Variants in PTGES observed in about 807,000 individuals in gnomAD.
The protein encoded by PTGES is MGST1-like 1.
In PTGES, 3 loss-of-function variants were observed where a neutral mutation model predicts 11.8. The observed-to-expected ratio is 0.25, with a 90% CI of 0.12 to 0.66. The LOEUF is 0.66. PTGES is among the 30% of genes least tolerant of loss of function. The probability of loss-of-function intolerance (pLI) is 0.82; values close to 1 mark genes in which losing one functional copy is unlikely to be tolerated. For synonymous variants in PTGES, 94 were observed against 90.4 expected (o/e 1.04, Z -0.22); for missense variants, 180 against 213.0 (o/e 0.85, Z 0.96).
chr9:129,748,665 G>A lies in PTGES; in HGVS notation c.199C>T (p.Arg67Cys), dbSNP rs1413428703. The A allele has an allele frequency of 2.5e-6, 4 of 1,576,966 alleles. No homozygotes were observed. The highest frequency in any genetic ancestry group is 2.0e-5 in the Admixed American group (1 of 51,126). Residue 67 changes from arginine to cysteine, a missense_variant, in exon 2 of 3, where the codon CGC (arginine) becomes TGC (cysteine). By Grantham distance (180) the Arg-to-Cys change is radical. Coordinates refer to ENST00000340607, the MANE Select transcript of PTGES (RefSeq NM_004878.5). ...GCCCGAAGTACTTGCCTGAGGCAGCGTTCCACGTCGGGGTCGCTCCTGCAA... is the reference window on the plus strand; with the variant it reads ...GCCCGAAGTACTTGCCTGAGGCAGCATTCCACGTCGGGGTCGCTCCTGCAA... ...QYCRSDPDVE[R>C]CLRAHRNDME...
chr9:129,744,588 A>T (rs1000627468), intron 2 of PTGES, among the ~76,000 whole-genome samples: 6 of 150,826 alleles, frequency 4.0e-5, no homozygotes, highest in African/African-American at 1.5e-4. Context: ...AAAAAAAAAA[A>T]AAAAAGACCG....
At chr9:129,748,421 T>G (rs1358026658) in intron 2 of PTGES, among the ~76,000 whole-genome samples, 1 of 152,186 alleles carries the variant, frequency 6.6e-6, no homozygotes, top group Admixed American at 6.5e-5. Context: ...GGAGACTGAA[T>G]GTTCACTGAA....
At chr9:129,750,774 T>C (rs1404655112) in intron 1 of PTGES, among the ~76,000 whole-genome samples, 2 of 152,196 alleles carry the variant, frequency 1.3e-5, no homozygotes, top group African/African-American at 4.8e-5. Flanking sequence ...CGTTTACAGG[T>C]GAGGACACTG....
chr9:129,739,714 C>T lies in PTGES; in HGVS notation c.356G>A (p.Gly119Glu), dbSNP rs1280331291. Residue 119 changes from glycine to glutamate, a missense_variant, in exon 3 of 3, where the codon GGG becomes GAG. Coordinates refer to ENST00000340607, the MANE Select transcript of PTGES (RefSeq NM_004878.5). The surrounding 1 kb of genome is among the most constrained non-coding windows in gnomAD (Gnocchi z 5.7). ...GRVAHTVAYL[G>E]KLRAPIRSVT... is the part of the protein sequence containing the mutation. ...GGAGCGGATGGGTGCCCGCAGCTTC[C>T]CCAGGTAGGCCACGGTGTGTGCCAC... 1 of 1,575,608 alleles carries T rather than the reference C, an allele frequency of 6.3e-7. No individual in the cohort carries two copies.
At chr9:129,750,488 T>G (rs1833092232) in intron 1 of PTGES, among the ~76,000 whole-genome samples, 1 of 152,202 alleles carries the variant, frequency 6.6e-6, no homozygotes. Context: ...CAGTGGGCAC[T>G]GCCTTTAGGA....
intron 2 of PTGES, among the ~76,000 whole-genome samples, chr9:129,743,503 CCA>C (rs1465749741): frequency 6.6e-6 from 1 of 152,218 alleles, no homozygotes; most frequent in Non-Finnish European, 1.5e-5. Context: ...CCTTCACCCT[CCA>C]CAGACTTTTC....
intron 2 of PTGES, 143 bp downstream of exon 2, chr9:129,748,512 A>C (rs1446283170): frequency 3.4e-6 from 2 of 593,292 alleles, no homozygotes; most frequent in Non-Finnish European, 5.4e-6. Context: ...TAAATCATTG[A>C]ATAAAGTAAA....
At chr9:129,742,346 A>C (rs12554766) in intron 2 of PTGES, among the ~76,000 whole-genome samples, 10,121 of 130,334 alleles carry the variant, frequency 0.078, 427 homozygotes, top group East Asian at 0.19. Context: ...AAAAAAAAAA[A>C]AAAACATAAA....
rs994938543 is a variant in PTGES, at chr9:129,739,880, G to A, written c.210-20C>T. On this transcript the variant is annotated intron_variant, in intron 2 of 2. Transcript: ENST00000340607. The surrounding 1 kb of genome is among the most constrained non-coding windows in gnomAD (Gnocchi z 5.7). ...TGGGCCCTGGGGAGACAAGAGGGGT[G>A]CGGTCAGCCAGGTATTAGCTTTGGG... is the stretch of plus-strand genomic sequence containing the variant. 2 of 1,558,904 alleles carry A rather than the reference G, an allele frequency of 1.3e-6. No individual in the cohort carries two copies. Among genetic ancestry groups the A allele is most frequent in the Non-Finnish European group, 1.7e-6 (2 of 1,150,422 alleles).
At chr9:129,747,528 A>G (rs1011263226) in intron 2 of PTGES, among the ~76,000 whole-genome samples, 4 of 152,224 alleles carry the variant, frequency 2.6e-5, no homozygotes, top group African/African-American at 9.6e-5. Flanking sequence ...AAAGAAGTGC[A>G]AAGCAAAACA....
In PTGES at chr9:129,739,378, C is replaced by T; in HGVS notation, c.*233G>A. On this transcript the variant is annotated 3_prime_UTR_variant, in exon 3 of 3. Transcript: ENST00000340607. This position sits in a 1 kb window ranked among gnomAD's most constrained non-coding sequence, Gnocchi z 5.7. Reference sequence around the variant, plus strand: ...CTTCACAATCTGTCTTGAAATGGTTCCCATCAGCCACTTCGTGCAGGAATC... The same window carrying T: ...CTTCACAATCTGTCTTGAAATGGTTTCCATCAGCCACTTCGTGCAGGAATC... 1.8e-6 allele frequency: 1 copy of T among 566,794 alleles called. No homozygotes were observed. The highest frequency in any genetic ancestry group is 2.4e-5 in the South Asian group (1 of 41,980). 35.1% of individuals were successfully genotyped at this position (566,794 alleles called of 1,614,324 possible). A position where few individuals can be genotyped will look rare whatever the true frequency, so the allele number is the denominator to read the frequency against.
intron 2 of PTGES, among the ~76,000 whole-genome samples, chr9:129,746,973 C>T (rs568656112): frequency 1.8e-4 from 28 of 152,182 alleles, no homozygotes; most frequent in Admixed American, 5.2e-4. Flanking sequence ...AGCGCAGTGG[C>T]GCAATCTTGG....
intron 2 of PTGES, among the ~76,000 whole-genome samples, chr9:129,740,903 G>A (rs148962130): frequency 6.6e-5 from 10 of 152,330 alleles, no homozygotes; most frequent in African/African-American, 1.4e-4. Context: ...CATGTTCTCC[G>A]GGCCTTCCTG....
intron 1 of PTGES, chr9:129,749,499 A>G (rs1833082269): frequency 6.6e-6 from 1 of 152,338 alleles, no homozygotes; most frequent in African/African-American, 2.4e-5. Context: ...TACAAAAATT[A>G]GCTGTGTGTG....
intron 2 of PTGES, among the ~76,000 whole-genome samples, chr9:129,742,138 C>T (rs950595551): frequency 6.6e-6 from 1 of 150,552 alleles, no homozygotes; most frequent in African/African-American, 2.4e-5. Flanking sequence ...GCCAACATGG[C>T]AAAATCCCAT....
Position 129,752,971 on chromosome 9 carries a change from C to T in PTGES, c.42G>A (p.Pro14=), listed in dbSNP as rs757790871. The T allele has an allele frequency of 9.3e-6, 15 of 1,610,684 alleles. No homozygotes were observed. The Admixed American group carries it at 1.2e-4, about 13-fold the overall frequency. ...GCAGCGTGCTGCAGAGCAGGAAGGCCGGGAGGGCCGGGCTGCTCATCACCA... is the reference window on the plus strand; with the variant it reads ...GCAGCGTGCTGCAGAGCAGGAAGGCTGGGAGGGCCGGGCTGCTCATCACCA... ...HSLVMSSPAL[P]AFLLCSTLLV... is the part of the protein sequence containing the mutation. The change falls in exon 1 of 3, where the codon CCG becomes CCA. Residue 14 remains proline, a synonymous_variant. Transcript: ENST00000340607.
At chr9:129,748,600 C>A in intron 2 of PTGES, 55 bp downstream of exon 2, 1 of 1,419,308 alleles carries the variant, frequency 7.0e-7, no homozygotes, top group Non-Finnish European at 9.4e-7. Context: ...AGAAGAAGTT[C>A]TGAAAGGGCA....
intron 1 of PTGES, among the ~76,000 whole-genome samples, chr9:129,752,238 C>T (rs1833119102): frequency 1.3e-5 from 2 of 152,230 alleles, no homozygotes; most frequent in South Asian, 4.1e-4. Flanking sequence ...TTTCTGCATT[C>T]TGCCGCCAGG....
intron 2 of PTGES, among the ~76,000 whole-genome samples, chr9:129,746,110 G>A (rs1403137403): frequency 6.6e-6 from 1 of 151,978 alleles, no homozygotes; most frequent in Non-Finnish European, 1.5e-5. Flanking sequence ...ATGGGGCATG[G>A]TTTCAGCCAG....
Sources: allele counts gnomAD v4.1 joint callset (sites outside exome capture counted in the v4.1 genomes callset), GRCh38; gene constraint gnomAD v4.1.1; non-coding constraint Gnocchi (gnomAD v3.1); transcripts MANE v1.5; gene names NCBI Gene and HGNC (gene_info 2026-07-23, HGNC 2026-07-21).